Variants in RAPGEF3 observed in about 807,000 individuals in gnomAD.
The protein encoded by RAPGEF3 is Rap guanine nucleotide exchange factor 3.
Under a neutral mutation model 129.8 loss-of-function variants are expected in RAPGEF3, and 103 were observed. The observed-to-expected ratio is 0.79, with a 90% CI of 0.68 to 0.93. The LOEUF is 0.93. RAPGEF3 is among the 40% of genes least tolerant of loss of function. The probability of loss-of-function intolerance (pLI) is 0.00; values close to 1 mark genes in which losing one functional copy is unlikely to be tolerated. For synonymous variants in RAPGEF3, 436 were observed against 482.6 expected (o/e 0.90, Z 1.26); for missense variants, 1,117 against 1,207.4 (o/e 0.93, Z 1.11).
intron 5 of RAPGEF3, 72 bp downstream of exon 5, chr12:47,751,327 C>G: frequency 6.3e-7 from 1 of 1,598,566 alleles, no homozygotes; most frequent in Non-Finnish European, 8.5e-7. Context: ...GCCTGCTTCC[C>G]AGGACTGCCC....
intron 15 of RAPGEF3, 131 bp downstream of exon 15, chr12:47,747,413 A>G (rs1040880562): frequency 1.2e-6 from 1 of 848,302 alleles, no homozygotes; most frequent in African/African-American, 1.7e-5. Flanking sequence ...GGGGACTGAT[A>G]AGAACAAGGA....
At chr12:47,753,489 G>A (rs148654718) in intron 2 of RAPGEF3, among the ~76,000 whole-genome samples, 1 of 152,240 alleles carries the variant, frequency 6.6e-6, no homozygotes, top group South Asian at 2.1e-4. Context: ...CCCAAGCAGA[G>A]GCCTGAGGTC....
Position 47,749,953 on chromosome 12 carries a change from G to T in RAPGEF3, c.794C>A (p.Pro265Gln). 2 of 1,614,224 alleles carry T rather than the reference G, an allele frequency of 1.2e-6. No homozygotes were observed. Among genetic ancestry groups the T allele is most frequent in the Non-Finnish European group, 1.7e-6 (2 of 1,180,046 alleles). Residue 265 changes from proline (P) to glutamine (Q), a missense_variant, in exon 8 of 28, where the codon CCA (proline) becomes CAA (glutamine). By Grantham distance (76) the Pro-to-Gln change is moderately conservative. Transcript: ENST00000449771. This position sits in a 1 kb window ranked among gnomAD's most constrained non-coding sequence, Gnocchi z 4.5. ...RELAAVLLFE[P>Q]HSKAGTVLFS... ...ACACACGGTCCCTGCCTTGCTGTGTGGTTCAAAGAGCAGAACAGCCGCTAA... is the reference window on the plus strand; with the variant it reads ...ACACACGGTCCCTGCCTTGCTGTGTTGTTCAAAGAGCAGAACAGCCGCTAA...
At chr12:47,739,970 C>T (rs1941043110) in intron 23 of RAPGEF3, 171 bp downstream of exon 23, 1 of 761,066 alleles carries the variant, frequency 1.3e-6, no homozygotes, top group Non-Finnish European at 2.2e-6. Context: ...CCTCAGCCAG[C>T]TCCCCAAACT....
Position 47,737,221 on chromosome 12 carries a change from C to G in RAPGEF3, c.*346G>C. On this transcript the variant is annotated 3_prime_UTR_variant, in exon 28 of 28. Transcript: ENST00000449771. The stretch of plus-strand genomic sequence containing the variant: ...AAAATAAACTGCAGGCCTGGCTGGA[C>G]AACAAAGCCAGAGGCACAGAATCTG... 1 of 290,398 alleles carries G rather than the reference C, an allele frequency of 3.4e-6. No individual in the cohort carries two copies. The highest frequency in any genetic ancestry group is 3.9e-5 in the South Asian group (1 of 25,894). 18.0% of individuals were successfully genotyped at this position (290,398 alleles called of 1,614,324 possible).
intron 2 of RAPGEF3, among the ~76,000 whole-genome samples, chr12:47,754,993 G>T (rs146896633): frequency 6.6e-6 from 1 of 152,238 alleles, no homozygotes; most frequent in African/African-American, 2.4e-5. Context: ...CTGGGGACCT[G>T]TCAGACCAGT....
At chr12:47,743,943 G>A (rs1357607705) in intron 17 of RAPGEF3, 44 bp downstream of exon 17, 1 of 1,526,734 alleles carries the variant, frequency 6.5e-7, no homozygotes, top group Non-Finnish European at 9.1e-7. Context: ...AGAGACAGCA[G>A]GGTGCAGATG....
At chr12:47,746,593 T>G in intron 16 of RAPGEF3, 1 of 697,816 alleles carries the variant, frequency 1.4e-6, no homozygotes, top group Non-Finnish European at 2.6e-6. Flanking sequence ...CCTGTGGGCA[T>G]GAATTACCTC....
In RAPGEF3 at chr12:47,751,728, G is replaced by C; in HGVS notation, c.375C>G (p.Leu125=). 6.2e-7 allele frequency: 1 copy of C among 1,612,986 alleles called. No individual in the cohort carries two copies. Among genetic ancestry groups the C allele is most frequent in the Non-Finnish European group, 8.5e-7 (1 of 1,180,016 alleles). The part of the protein sequence containing the change: ...LIRDRKYHLR[L]YRQCCSGREL... The stretch of plus-strand genomic sequence containing the variant: ...GCAGCAGGGCCTCCACTCACCGATA[G>C]AGCCTAAGGTGGTACTTCCGGTCTC... The change falls in exon 4 of 28, where the codon CTC becomes CTG. Residue 125 remains leucine, a synonymous_variant. Coordinates refer to ENST00000449771, the MANE Select transcript of RAPGEF3 (RefSeq NM_001098531.4).
chr12:47,740,234 C>T (rs1313051272), intron 22 of RAPGEF3, 43 bp from the exon 23 acceptor site: 4 of 1,612,472 alleles, frequency 2.5e-6, no homozygotes, highest in Non-Finnish European at 2.5e-6. Context: ...GGGGGAGGCC[C>T]AGCCCCATCC....
intron 17 of RAPGEF3, 140 bp downstream of exon 17, chr12:47,743,847 T>A: frequency 7.5e-7 from 1 of 1,338,512 alleles, no homozygotes; most frequent in East Asian, 2.5e-5. Flanking sequence ...GCCAGCAGCC[T>A]GGAACACAGA....
chr12:47,749,608 A>C lies in RAPGEF3; in HGVS notation c.895-72T>G. 6.7e-7 allele frequency: 1 copy of C among 1,502,946 alleles called. No individual in the cohort carries two copies. The allele number at this position is 1,502,946 out of a possible 1,614,324, so 93.1% of individuals were successfully genotyped here. A position where few individuals can be genotyped will look rare whatever the true frequency, so the allele number is the denominator to read the frequency against. On this transcript the variant is annotated intron_variant, in intron 9 of 27. Transcript: ENST00000449771. The surrounding 1 kb of genome is among the most constrained non-coding windows in gnomAD (Gnocchi z 4.5). ...CCCCAGCTCTTGCCAGGACAGACCC[A>C]CGGCAGGAGAACAACCCACACAGGA...
At chr12:47,753,212 G>A (rs1321244731) in intron 2 of RAPGEF3, among the ~76,000 whole-genome samples, 1 of 152,212 alleles carries the variant, frequency 6.6e-6, no homozygotes, top group African/African-American at 2.4e-5. Flanking sequence ...ATAAAAGCCT[G>A]GAGGTGAGGT....
At position 47,740,698 on chromosome 12, in the gene RAPGEF3, G is replaced by A. The variant is rs1450156591; in HGVS notation, c.2175C>T (p.Cys725=). ...QYWVATELCL[C]PVPGPRAQLL... ...GCTGGGCCCGGGGGCCGGGCACGGG[G>A]CAGAGACACAGCTCGGTGGCCACCC... Residue 725 remains cysteine, a synonymous_variant, in exon 21 of 28, where the codon TGC becomes TGT. Coordinates refer to ENST00000449771, the MANE Select transcript of RAPGEF3 (RefSeq NM_001098531.4). 7 of 1,613,952 alleles carry A rather than the reference G, an allele frequency of 4.3e-6. No individual in the cohort carries two copies. Among genetic ancestry groups the A allele is most frequent in the Non-Finnish European group, 5.9e-6 (7 of 1,179,994 alleles).
At chr12:47,743,864 G>T in intron 17 of RAPGEF3, 123 bp downstream of exon 17, 1 of 1,346,806 alleles carries the variant, frequency 7.4e-7, no homozygotes, top group Non-Finnish European at 1.0e-6. Context: ...CAGACCCTGA[G>T]GAGTACAGCG....
Position 47,758,581 on chromosome 12 carries a change from G to A in RAPGEF3, c.-25C>T, listed in dbSNP as rs750531972. The A allele has an allele frequency of 3.1e-6, 5 of 1,613,698 alleles. No homozygotes were observed. The highest frequency in any genetic ancestry group is 4.2e-6 in the Non-Finnish European group (5 of 1,179,794). Reference sequence around the variant, plus strand: ...TGTTTCTTTTCAAGCTCGCACAGCCGTGCAGGCTCTAGCAAAAGGCTGGGG... The same window carrying A: ...TGTTTCTTTTCAAGCTCGCACAGCCATGCAGGCTCTAGCAAAAGGCTGGGG... On this transcript the variant is annotated 5_prime_UTR_variant, in exon 1 of 28. It adds an upstream start codon to the 5' untranslated region. Transcript: ENST00000449771.
rs1428806067 is a variant in RAPGEF3, at chr12:47,741,060, CAG to C, written c.1924-22_1924-21del. ...TGGGATCTGCGGGTGGGAGAGTGCT[CAG>C]GGGGCTGCCTGAGGAATCCAGGGAA... On this transcript the variant is annotated intron_variant, in intron 19 of 27. Transcript: ENST00000449771. 4 of 1,610,178 alleles carry C rather than the reference CAG, an allele frequency of 2.5e-6. No individual in the cohort carries two copies. Among genetic ancestry groups the C allele is most frequent in the Non-Finnish European group, 2.5e-6 (3 of 1,178,544 alleles).
chr12:47,750,825 C>G (rs1220978318), intron 6 of RAPGEF3, among the ~76,000 whole-genome samples: 1 of 152,020 alleles, frequency 6.6e-6, no homozygotes, highest in Non-Finnish European at 1.5e-5. Context: ...GTCCAACATC[C>G]TCATCTACAG....
chr12:47,748,106 G>A lies in RAPGEF3; in HGVS notation c.1290C>T (p.Pro430=), dbSNP rs746700787. 1.1e-5 allele frequency: 18 copies of A among 1,589,468 alleles called. 2 individuals are homozygous for A. The South Asian group carries it at 1.6e-4, about 14-fold the overall frequency. The change falls in exon 13 of 28, where the codon CCC becomes CCT. Residue 430 remains proline (P), a synonymous_variant. Coordinates refer to ENST00000449771, the MANE Select transcript of RAPGEF3 (RefSeq NM_001098531.4). ...DFLLTHRVFM[P]SAQLCAALLH... ...GAAGGGCAGCGCAGAGTTGGGCGCT[G>A]GGCATGAAGACCCTGTGGGTCAGGA...
Sources: allele counts gnomAD v4.1 joint callset (sites outside exome capture counted in the v4.1 genomes callset), GRCh38; gene constraint gnomAD v4.1.1; non-coding constraint Gnocchi (gnomAD v3.1); transcripts MANE v1.5; gene names NCBI Gene and HGNC (gene_info 2026-07-23, HGNC 2026-07-21).